Variants in ZNF324B observed in about 807,000 individuals in gnomAD.
ZNF324B encodes zinc finger protein 324B.
Under a neutral mutation model 10.6 loss-of-function variants are expected in ZNF324B, and 7 were observed. The observed-to-expected ratio is 0.66, with a 90% CI of 0.38 to 1.24. ZNF324B has a LOEUF of 1.24. ZNF324B is among the 50% of genes most tolerant of loss of function. The pLI is 0.02. For missense variants in ZNF324B, 640 were observed against 764.7 expected (o/e 0.84, Z 1.92); for synonymous variants, 316 against 321.0 (o/e 0.98, Z 0.17).
chr19:58,442,120 C>G, the ZNF324B span: 6 of 149,818 alleles, frequency 4.0e-5, no homozygotes, highest in Non-Finnish European at 7.3e-5. Flanking sequence ...TCGCTGACTT[C>G]AAGAATAAAG....
chr19:58,433,555 C>G, the ZNF324B span: 4 of 1,614,232 alleles, frequency 2.5e-6, no homozygotes, highest in Middle Eastern at 1.6e-4. Flanking sequence ...CCCACATTCA[C>G]TGCATTCGTA....
At chr19:58,437,504 G>C in the ZNF324B span, among the ~76,000 whole-genome samples, 2 of 152,014 alleles carry the variant, frequency 1.3e-5, no homozygotes, top group African/African-American at 2.4e-5. Flanking sequence ...CCTCCCTCCT[G>C]CTGGCCAATT....
upstream of ZNF324B, among the ~76,000 whole-genome samples, chr19:58,448,249 G>T (rs576897984): frequency 6.6e-6 from 1 of 152,272 alleles, no homozygotes; most frequent in Non-Finnish European, 1.5e-5. Context: ...TTGTTGAATG[G>T]CTTTGACCAA....
At chr19:58,446,567 CTTTCTCTTT>C in the ZNF324B span, among the ~76,000 whole-genome samples, 1 of 90,242 alleles carries the variant, frequency 1.1e-5, no homozygotes, top group South Asian at 3.0e-4. Flanking sequence ...TGGATAATTT[CTTTCTCTTT>C]TTTTTTTTTT....
At chr19:58,433,597 C>A in the ZNF324B span, 1 of 1,613,922 alleles carries the variant, frequency 6.2e-7, no homozygotes, top group Non-Finnish European at 8.5e-7. Context: ...TCTCCAGTGA[C>A]AAATAAGGCT....
the ZNF324B span, among the ~76,000 whole-genome samples, chr19:58,432,505 C>A: frequency 1.3e-5 from 2 of 152,168 alleles, no homozygotes; most frequent in Admixed American, 1.3e-4. Context: ...CACATAGAGT[C>A]CTCCATGGAC....
At chr19:58,425,401 A>G in the ZNF324B span, among the ~76,000 whole-genome samples, 1 of 149,766 alleles carries the variant, frequency 6.7e-6, no homozygotes, top group Non-Finnish European at 1.5e-5. Context: ...TTTTCCTTAT[A>G]AACTATCTAG....
the ZNF324B span, among the ~76,000 whole-genome samples, chr19:58,419,961 C>T: frequency 6.6e-6 from 1 of 152,174 alleles, no homozygotes; most frequent in Non-Finnish European, 1.5e-5. Context: ...TACAGTTACA[C>T]ACCACCACAC....
the ZNF324B span, chr19:58,436,964 T>A: frequency 5.7e-5 from 91 of 1,593,578 alleles, no homozygotes; most frequent in Non-Finnish European, 7.5e-5. Flanking sequence ...ACCCATGATC[T>A]GGCTTTGGGA....
At chr19:58,448,458 C>A (rs1318023932), upstream of ZNF324B, among the ~76,000 whole-genome samples, 1 of 152,222 alleles carries the variant, frequency 6.6e-6, no homozygotes, top group Non-Finnish European at 1.5e-5. Context: ...GGTGCAGTGG[C>A]TCACGCCTGT....
rs753670054 is a variant in ZNF324B, at chr19:58,453,763, C to T, written c.62C>T (p.Ala21Val). 2.1e-5 allele frequency: 34 copies of T among 1,614,072 alleles called. No homozygotes were observed. Among genetic ancestry groups the T allele is most frequent in the Admixed American group, 3.3e-5 (2 of 60,006 alleles). Residue 21 changes from alanine to valine, a missense_variant, in exon 2 of 4, where the codon GCG becomes GTG. Coordinates refer to ENST00000336614, the MANE Select transcript of ZNF324B (RefSeq NM_207395.3). ...GAGGAGTGGGGGCTCCTGGACACAG[C>T]GCAGAGGGCCCTGTACCGCCACGTG... ...SQEEWGLLDT[A>V]QRALYRHVML...
At chr19:58,426,061 A>T in the ZNF324B span, among the ~76,000 whole-genome samples, 1 of 152,192 alleles carries the variant, frequency 6.6e-6, no homozygotes, top group African/African-American at 2.4e-5. Flanking sequence ...CAAGGTCTGC[A>T]GATCGATGAG....
Position 58,453,765 on chromosome 19 carries a change from C to T in ZNF324B, c.64C>T (p.Gln22Ter). 6.2e-7 allele frequency: 1 copy of T among 1,614,206 alleles called. No homozygotes were observed. The highest frequency in any genetic ancestry group is 1.1e-5 in the South Asian group (1 of 91,092). ...QEEWGLLDTA[Q>*]RALYRHVMLE... is the part of the protein sequence containing the mutation. ...GGAGTGGGGGCTCCTGGACACAGCGCAGAGGGCCCTGTACCGCCACGTGAT... is the reference window on the plus strand; with the variant it reads ...GGAGTGGGGGCTCCTGGACACAGCGTAGAGGGCCCTGTACCGCCACGTGAT... The change falls in exon 2 of 4, where the codon CAG becomes TAG. Residue 22 changes from glutamine (Q) to a stop codon, truncating the protein, a stop_gained. Transcript: ENST00000336614. LOFTEE classifies it high-confidence loss of function.
chr19:58,447,271 C>G (rs1295688919), upstream of ZNF324B, among the ~76,000 whole-genome samples: 2 of 152,220 alleles, frequency 1.3e-5, no homozygotes, highest in African/African-American at 4.8e-5. Context: ...AGCCACCATG[C>G]CTGGCCGACA....
At position 58,456,225 on chromosome 19, in the gene ZNF324B, C is replaced by T. The variant is rs759555617; in HGVS notation, c.1281C>T (p.Cys427=). The change falls in exon 4 of 4, where the codon TGC becomes TGT. Residue 427 remains cysteine (C), a synonymous_variant. Transcript: ENST00000336614. This position sits in a 1 kb window ranked among gnomAD's most constrained non-coding sequence, Gnocchi z 4.7. The part of the protein sequence containing the change: ...RVHTGEKPFA[C]AQCGRSFSRS... ...ACACAGGCGAGAAGCCCTTCGCCTG[C>T]GCCCAGTGCGGCCGCTCCTTTAGCC... is the stretch of plus-strand genomic sequence containing the variant. The T allele has an allele frequency of 9.3e-6, 15 of 1,613,000 alleles. No individual in the cohort carries two copies. The highest frequency in any genetic ancestry group is 1.6e-4 in the Middle Eastern group (1 of 6,080).
At chr19:58,451,152 C>A (rs1383349508), upstream of ZNF324B, among the ~76,000 whole-genome samples, 2 of 152,178 alleles carry the variant, frequency 1.3e-5, no homozygotes, top group African/African-American at 4.8e-5. Flanking sequence ...AGAGATCAAA[C>A]CCTCGCCCAG....
the ZNF324B span, among the ~76,000 whole-genome samples, chr19:58,424,014 C>T: frequency 6.6e-5 from 10 of 151,266 alleles, no homozygotes; most frequent in East Asian, 1.9e-4. Flanking sequence ...CCGAGGCGGA[C>T]GGATCACCAG....
chr19:58,440,080 C>G, the ZNF324B span: 7 of 501,024 alleles, frequency 1.4e-5, no homozygotes, highest in Non-Finnish European at 3.5e-6. Context: ...TCCCTGCACC[C>G]ACTCCCGTGC....
chr19:58,429,278 GAGAC>G, the ZNF324B span: 1 of 152,250 alleles, frequency 6.6e-6, no homozygotes, highest in Non-Finnish European at 1.5e-5. Flanking sequence ...ATCTCAGAGA[GAGAC>G]AGGCAGATCC....
Sources: gnomAD v4.1 joint callset for allele counts (sites outside exome capture counted in the v4.1 genomes callset) on GRCh38, gnomAD v4.1.1 for gene constraint, Gnocchi (gnomAD v3.1) non-coding constraint, MANE v1.5 for transcripts, NCBI Gene and HGNC (gene_info 2026-07-23, HGNC 2026-07-21) for gene names.